FAM171A1: variants seen among roughly 807,000 people sequenced by gnomAD.
The protein encoded by FAM171A1 is family with sequence similarity 171 member A1, also known as protein FAM171A1.
In FAM171A1, 23 loss-of-function variants were observed where a neutral mutation model predicts 74.9. That is an observed-to-expected ratio of 0.31 (90% CI 0.22 to 0.44). FAM171A1 has a LOEUF of 0.44. Among genes scored for constraint, FAM171A1 ranks in the 20% least tolerant of loss-of-function variants. The probability of loss-of-function intolerance (pLI) is 1.00; values close to 1 mark genes in which losing one functional copy is unlikely to be tolerated. For missense variants in FAM171A1, 1,162 were observed against 1,159.2 expected (o/e 1.00, Z -0.03); for synonymous variants, 527 against 505.7 (o/e 1.04, Z -0.57).
At chr10:15,363,946 G>T (rs1836027819) in intron 1 of FAM171A1, among the ~76,000 whole-genome samples, 1 of 151,878 alleles carries the variant, frequency 6.6e-6, no homozygotes, top group African/African-American at 2.4e-5. Context: ...CTGGGCCCTG[G>T]AGCTGGTGGG....
intron 5 of FAM171A1, among the ~76,000 whole-genome samples, chr10:15,237,159 C>T (rs946780610): frequency 6.6e-6 from 1 of 152,182 alleles, no homozygotes; most frequent in East Asian, 1.9e-4. Flanking sequence ...AAAGTGAATA[C>T]TCCATAAGTG....
chr10:15,263,498 AT>A (rs1834689178), intron 3 of FAM171A1, among the ~76,000 whole-genome samples: 1 of 152,162 alleles, frequency 6.6e-6, no homozygotes, highest in African/African-American at 2.4e-5. Context: ...TTTGGAAACA[AT>A]TTGCCAGCGT....
At chr10:15,278,628 G>GCC (rs1278992075) in intron 2 of FAM171A1, among the ~76,000 whole-genome samples, 5 of 152,196 alleles carry the variant, frequency 3.3e-5, no homozygotes, top group Admixed American at 1.3e-4. Flanking sequence ...GAAACATCAG[G>GCC]CTGAGCGAAA....
chr10:15,346,600 G>C (rs1332040358), intron 1 of FAM171A1, among the ~76,000 whole-genome samples: 1 of 152,160 alleles, frequency 6.6e-6, no homozygotes, highest in Non-Finnish European at 1.5e-5. Flanking sequence ...AACAAGCCGA[G>C]GTCCATCTGG....
At chr10:15,262,080 A>C (rs1266091157) in intron 3 of FAM171A1, among the ~76,000 whole-genome samples, 1 of 152,140 alleles carries the variant, frequency 6.6e-6, no homozygotes, top group East Asian at 1.9e-4. Flanking sequence ...GCACTACTGC[A>C]CTCCAGTCCA....
intron 1 of FAM171A1, among the ~76,000 whole-genome samples, chr10:15,312,533 T>A (rs1036191943): frequency 1.3e-5 from 2 of 151,694 alleles, no homozygotes; most frequent in Admixed American, 1.3e-4. Context: ...CCCTCTCCTG[T>A]CCCTCCATAC....
At chr10:15,251,402 A>AT (rs1258921347) in intron 4 of FAM171A1, among the ~76,000 whole-genome samples, 20,547 of 132,440 alleles carry the variant, frequency 0.16, 1,691 homozygotes, top group Middle Eastern at 0.25. Flanking sequence ...TTCTGCAACG[A>AT]TTTTTTTTTT....
intron 1 of FAM171A1, among the ~76,000 whole-genome samples, chr10:15,317,629 G>A (rs1445628276): frequency 1.3e-5 from 2 of 152,276 alleles, no homozygotes; most frequent in South Asian, 2.1e-4. Context: ...TCCTGACCTT[G>A]TGATCTGCCT....
intron 1 of FAM171A1, among the ~76,000 whole-genome samples, chr10:15,302,174 T>C (rs915220344): frequency 6.6e-6 from 1 of 152,136 alleles, no homozygotes; most frequent in South Asian, 2.1e-4. Context: ...GTTTAACATG[T>C]TGTTCTTGGC....
chr10:15,315,189 G>A (rs557642057), intron 1 of FAM171A1, among the ~76,000 whole-genome samples: 7 of 152,234 alleles, frequency 4.6e-5, no homozygotes, highest in African/African-American at 1.7e-4. Flanking sequence ...CAACATTTCC[G>A]CCTGTCCTTG....
intron 5 of FAM171A1, among the ~76,000 whole-genome samples, chr10:15,229,194 G>T (rs79215829): frequency 1.3e-5 from 2 of 152,056 alleles, no homozygotes; most frequent in East Asian, 1.9e-4. Flanking sequence ...CATTTAGGGT[G>T]GGGGGCAAGG....
At chr10:15,216,251 C>A in intron 6 of FAM171A1, 141 bp from the exon 7 acceptor site, 1 of 519,174 alleles carries the variant, frequency 1.9e-6, no homozygotes. Flanking sequence ...GCCCTTGGAT[C>A]ATGCACTTGG....
At chr10:15,373,509 A>C (rs921268075), upstream of FAM171A1, among the ~76,000 whole-genome samples, 1 of 152,220 alleles carries the variant, frequency 6.6e-6, no homozygotes, top group African/African-American at 2.4e-5. Context: ...AAATGATTCA[A>C]ATTACCTCCA....
intron 1 of FAM171A1, among the ~76,000 whole-genome samples, chr10:15,316,796 G>A (rs1049464436): frequency 1.3e-5 from 2 of 152,126 alleles, no homozygotes; most frequent in Non-Finnish European, 2.9e-5. Flanking sequence ...TGGCCCCTCC[G>A]CAGGGATATC....
chr10:15,220,921 CGCAA>C lies in FAM171A1; in HGVS notation c.871+19_871+22del. ...GACCAAAGCAACTGATCCGCATCATCGCAAGTGTTGGCTCCGTGTTACCTGGGAT... is the reference window on the plus strand; with the variant it reads ...GACCAAAGCAACTGATCCGCATCATCGTGTTGGCTCCGTGTTACCTGGGAT... On this transcript the variant is annotated intron_variant, in intron 6 of 7. Coordinates refer to ENST00000378116, the MANE Select transcript of FAM171A1 (RefSeq NM_001010924.2). The C allele has an allele frequency of 6.3e-7, 1 of 1,575,578 alleles. No individual in the cohort carries two copies. The highest frequency in any genetic ancestry group is 8.7e-7 in the Non-Finnish European group (1 of 1,146,864).
intron 3 of FAM171A1, among the ~76,000 whole-genome samples, chr10:15,267,135 G>C (rs1834754826): frequency 6.6e-6 from 1 of 152,206 alleles, no homozygotes; most frequent in African/African-American, 2.4e-5. Context: ...GTACCCCACA[G>C]GGGGGCTACT....
rs1225558975 is a variant in FAM171A1, at chr10:15,356,133, T to TA, written c.97+14822dup. 4.6e-5 allele frequency among the ~76,000 whole-genome samples: 7 copies of TA among 152,026 alleles called. No homozygotes were observed. In the East Asian group the frequency reaches 1.4e-3, roughly 29 times the overall value. On this transcript the variant is annotated intron_variant, in intron 1 of 7. Coordinates refer to ENST00000378116, the MANE Select transcript of FAM171A1 (RefSeq NM_001010924.2). ...TTGGTTTCTAACAATGCTTCCACAT[T>TA]AAAAAAGTCAAGCCATTTATAGCTG... is the stretch of plus-strand genomic sequence containing the variant.
At chr10:15,317,907 C>G (rs1178447659) in intron 1 of FAM171A1, among the ~76,000 whole-genome samples, 1 of 152,232 alleles carries the variant, frequency 6.6e-6, no homozygotes, top group Non-Finnish European at 1.5e-5. Context: ...TCTCCTGCCT[C>G]AGCCTCCTGA....
chr10:15,239,152 T>A (rs1381476678), intron 5 of FAM171A1, among the ~76,000 whole-genome samples: 3 of 152,146 alleles, frequency 2.0e-5, no homozygotes, highest in Non-Finnish European at 4.4e-5. Context: ...AGAGCTGACA[T>A]AATCATCTCT....
Sources: gnomAD v4.1 joint callset for allele counts (sites outside exome capture counted in the v4.1 genomes callset) on GRCh38, gnomAD v4.1.1 for gene constraint, MANE v1.5 for transcripts, NCBI Gene and HGNC (gene_info 2026-07-23, HGNC 2026-07-21) for gene names.